The following PANK1 variants were observed in gnomAD, a reference collection of about 807,000 sequenced individuals.
PANK1 encodes pantothenic acid kinase 1.
PANK1 carries 18 observed loss-of-function variants against 40.1 expected under a neutral mutation model. The observed-to-expected ratio is 0.45, with a 90% CI of 0.31 to 0.67. The LOEUF (loss-of-function observed/expected upper bound fraction) is 0.67, where lower values mean the gene tolerates loss of function less well. Among genes scored for constraint, PANK1 ranks in the 30% least tolerant of loss-of-function variants. The pLI is 0.06. For synonymous variants in PANK1, 242 were observed against 237.7 expected, an observed-to-expected ratio of 1.02 and a Z score of -0.17; for missense variants, 457 against 599.6, an observed-to-expected ratio of 0.76 and a Z score of 2.48.
At chr10:89,643,706 T>G in intron 1 of PANK1, 1 of 1,613,726 alleles carries the variant, frequency 6.2e-7, no homozygotes, top group East Asian at 2.2e-5. Flanking sequence ...CTTTGCTTTT[T>G]GCCATTTATA....
intron 1 of PANK1, among the ~76,000 whole-genome samples, chr10:89,622,562 G>A (rs1035916869): frequency 2.6e-5 from 4 of 152,298 alleles, no homozygotes; most frequent in Non-Finnish European, 5.9e-5. Flanking sequence ...TAGGCCAGAC[G>A]TGGTTGCTCA....
At chr10:89,607,225 A>G (rs1160075339) in intron 2 of PANK1, among the ~76,000 whole-genome samples, 1 of 152,238 alleles carries the variant, frequency 6.6e-6, no homozygotes, top group Non-Finnish European at 1.5e-5. Context: ...GACCAACAGT[A>G]GTACTATTAA....
chr10:89,620,865 A>C (rs181966613), intron 1 of PANK1, among the ~76,000 whole-genome samples: 67 of 152,210 alleles, frequency 4.4e-4, no homozygotes, highest in African/African-American at 1.6e-3. Flanking sequence ...TATTTCTCAG[A>C]CCGGCCAACA....
At chr10:89,601,277 C>A (rs1412964499) in intron 2 of PANK1, among the ~76,000 whole-genome samples, 1 of 138,412 alleles carries the variant, frequency 7.2e-6, no homozygotes, top group Non-Finnish European at 1.5e-5. Flanking sequence ...GATTTTGAGA[C>A]CAACCTGGGC....
intron 1 of PANK1, among the ~76,000 whole-genome samples, chr10:89,637,153 C>T (rs957558414): frequency 2.6e-4 from 40 of 152,098 alleles, no homozygotes; most frequent in African/African-American, 7.0e-4. Flanking sequence ...CCACCGCACC[C>T]GGCCCACCTG....
At chr10:89,585,021 T>A (rs144457043) in intron 6 of PANK1, among the ~76,000 whole-genome samples, 90 of 152,314 alleles carry the variant, frequency 5.9e-4, no homozygotes, top group African/African-American at 2.0e-3. Flanking sequence ...TAGAGAACTA[T>A]GTGTTAGTTT....
intron 2 of PANK1, among the ~76,000 whole-genome samples, chr10:89,601,798 T>A (rs1212189466): frequency 6.6e-6 from 1 of 152,212 alleles, no homozygotes; most frequent in Non-Finnish European, 1.5e-5. Context: ...ATTATACATG[T>A]TTTAAGAAGC....
At chr10:89,613,447 C>T (rs1416031710) in intron 1 of PANK1, among the ~76,000 whole-genome samples, 1 of 152,164 alleles carries the variant, frequency 6.6e-6, no homozygotes, top group Admixed American at 6.5e-5. Flanking sequence ...TTCAGGAGGG[C>T]TGAGGGAGGA....
chr10:89,599,559 G>C lies in PANK1; in HGVS notation c.646-54C>G, dbSNP rs1478826212. 5 of 1,551,672 alleles carry C rather than the reference G, an allele frequency of 3.2e-6. No individual in the cohort carries two copies. The African/African-American group carries it at 4.1e-5, about 13-fold the overall frequency. On this transcript the variant is annotated intron_variant, in intron 2 of 6. Coordinates refer to ENST00000307534, the MANE Select transcript of PANK1 (RefSeq NM_148977.3). ...CCTTGTGAGATAGGCGACCATCTAA[G>C]GGGAAGCCCCAGAGGTTTTATTTAA...
At chr10:89,593,167 C>T (rs759293679) in intron 5 of PANK1, 30 bp downstream of exon 5, 11 of 1,609,360 alleles carry the variant, frequency 6.8e-6, no homozygotes, top group Middle Eastern at 1.7e-4. Context: ...GAATGACACA[C>T]AGCTTTCACC....
chr10:89,634,555 G>A (rs917076983), intron 1 of PANK1, among the ~76,000 whole-genome samples: 1 of 151,940 alleles, frequency 6.6e-6, no homozygotes. Context: ...TTCAATTCTT[G>A]GAGAATGGGT....
At chr10:89,638,422 T>C (rs1841887153) in intron 1 of PANK1, among the ~76,000 whole-genome samples, 1 of 152,224 alleles carries the variant, frequency 6.6e-6, no homozygotes, top group South Asian at 2.1e-4. Flanking sequence ...CTATCCCTAC[T>C]GATCTCCTTA....
At chr10:89,639,805 TGGGA>T (rs1163987908) in intron 1 of PANK1, among the ~76,000 whole-genome samples, 1 of 152,316 alleles carries the variant, frequency 6.6e-6, no homozygotes, top group Admixed American at 6.5e-5. Flanking sequence ...CACAGGCTGC[TGGGA>T]GTATTTGATG....
chr10:89,592,341 A>G (rs1301660061), intron 5 of PANK1, among the ~76,000 whole-genome samples: 1 of 152,214 alleles, frequency 6.6e-6, no homozygotes, highest in African/African-American at 2.4e-5. Context: ...GAGGGGGCTC[A>G]AGGGGCTTTC....
rs565245596 is a variant in PANK1 at position 89,616,878 on chromosome 10, T to G, written c.293-4830A>C. 7.5e-3 allele frequency among the ~76,000 whole-genome samples: 1,145 copies of G among 151,686 alleles called. 15 individuals carry two copies. Among genetic ancestry groups the G allele is most frequent in the African/African-American group, 0.026 (1,076 of 41,122 alleles). On this transcript the variant is annotated intron_variant, in intron 1 of 6. Coordinates refer to ENST00000307534, the MANE Select transcript of PANK1 (RefSeq NM_148977.3). Reference sequence around the variant, plus strand: ...GGAGGTTGCAGTGAGCCGAGATCACTCCACTGCACTCCAGCCTGGGGGACA... The same window carrying G: ...GGAGGTTGCAGTGAGCCGAGATCACGCCACTGCACTCCAGCCTGGGGGACA...
At position 89,584,223 on chromosome 10, in the gene PANK1, G is replaced by T; in HGVS notation, c.*183C>A. On this transcript the variant is annotated 3_prime_UTR_variant, in exon 7 of 7. Transcript: ENST00000307534. ...AAAACCTTTTATATTCCCCCGTTTT[G>T]AATCATTAGCTCAAAACCTAAGAGT... The T allele has an allele frequency of 1.8e-6, 1 of 547,014 alleles. No individual in the cohort carries two copies. 33.9% of individuals were successfully genotyped at this position (547,014 alleles called of 1,614,324 possible).
At chr10:89,604,836 C>T (rs1404359755) in intron 2 of PANK1, among the ~76,000 whole-genome samples, 7 of 151,970 alleles carry the variant, frequency 4.6e-5, no homozygotes, top group African/African-American at 1.2e-4. Flanking sequence ...CTGCAAGCTC[C>T]GTCTCCCAGG....
chr10:89,607,774 C>G (rs906271035), intron 2 of PANK1, among the ~76,000 whole-genome samples: 1 of 152,082 alleles, frequency 6.6e-6, no homozygotes, highest in Admixed American at 6.6e-5. Flanking sequence ...TTATTTAAAA[C>G]AAAACCCACA....
At chr10:89,624,882 T>C (rs552353039) in intron 1 of PANK1, among the ~76,000 whole-genome samples, 1 of 152,200 alleles carries the variant, frequency 6.6e-6, no homozygotes, top group South Asian at 2.1e-4. Flanking sequence ...TCAAAATGAA[T>C]ACTGTAAGTA....
Sources: gnomAD v4.1 joint callset for allele counts (sites outside exome capture counted in the v4.1 genomes callset) on GRCh38, gnomAD v4.1.1 for gene constraint, MANE v1.5 for transcripts, NCBI Gene and HGNC (gene_info 2026-07-23, HGNC 2026-07-21) for gene names.